Variants in RAD51B observed in about 807,000 individuals in gnomAD.
RAD51B encodes the protein RAD51 paralog B.
A neutral mutation model predicts 42.2 loss-of-function variants in RAD51B; 38 were observed. The observed-to-expected ratio is 0.90, with a 90% CI of 0.70 to 1.18. The LOEUF (loss-of-function observed/expected upper bound fraction) is 1.18, where lower values mean the gene tolerates loss of function less well. RAD51B is among the 50% of genes most tolerant of loss of function. The pLI, the probability that RAD51B is intolerant of heterozygous loss-of-function variation, is 0.00. For synonymous variants in RAD51B, 154 were observed against 145.2 expected (o/e 1.06, Z -0.43); for missense variants, 373 against 400.7 (o/e 0.93, Z 0.59).
intron 9 of RAD51B, among the ~76,000 whole-genome samples, chr14:68,444,442 G>T (rs111477606): frequency 1.7e-3 from 21 of 12,714 alleles, no homozygotes; most frequent in South Asian, 9.0e-3. Context: ...ATTGTGAATT[G>T]TGTGTGTGTG....
intron 7 of RAD51B, among the ~76,000 whole-genome samples, chr14:68,141,012 C>CT (rs2078116892): frequency 6.6e-6 from 1 of 152,132 alleles, no homozygotes; most frequent in Admixed American, 6.5e-5. Flanking sequence ...TAAAGGGGCT[C>CT]TATTAATAAT....
intron 8 of RAD51B, among the ~76,000 whole-genome samples, chr14:68,385,284 C>A (rs1411630529): frequency 6.6e-6 from 1 of 152,188 alleles, no homozygotes; most frequent in Non-Finnish European, 1.5e-5. Context: ...CCCCTGGCAA[C>A]AGAAATTGAA....
At chr14:68,292,433 G>A (rs1042795796) in intron 8 of RAD51B, among the ~76,000 whole-genome samples, 3 of 152,150 alleles carry the variant, frequency 2.0e-5, no homozygotes, top group African/African-American at 4.8e-5. Context: ...AAATCTCCAC[G>A]CTGGTAAATC....
chr14:68,468,363 C>G (rs956018169), intron 10 of RAD51B, 113 bp downstream of exon 10: 1 of 1,137,086 alleles, frequency 8.8e-7, no homozygotes, highest in African/African-American at 1.5e-5. Context: ...GAATCAAAAA[C>G]CAAGATGCAT....
At chr14:68,320,160 G>A (rs1314568531) in intron 8 of RAD51B, among the ~76,000 whole-genome samples, 6 of 152,058 alleles carry the variant, frequency 3.9e-5, no homozygotes, top group African/African-American at 1.5e-4. Flanking sequence ...TTCTCTCCTT[G>A]TTCTTTACTG....
In RAD51B at chr14:68,121,496, A is replaced by G. The variant is rs373731194; in HGVS notation, c.757-170388A>G. Among the ~76,000 whole-genome samples the G allele has an allele frequency of 5.9e-5, 9 of 152,300 alleles. 1 individual carries two copies. The highest frequency in any genetic ancestry group is 2.2e-4 in the African/African-American group (9 of 41,562). On this transcript the variant is annotated intron_variant, in intron 7 of 10. Transcript: ENST00000471583. ...AGGATCCACAATCCTTAGCTTGGTA[A>G]GTGCCCTCTTGCTAACCTAAAAACG...
chr14:68,647,137 T>A (rs1400147467), intron 10 of RAD51B, among the ~76,000 whole-genome samples: 1 of 152,248 alleles, frequency 6.6e-6, no homozygotes, highest in Non-Finnish European at 1.5e-5. Flanking sequence ...CATCCTCAGA[T>A]CACTGGAGGA....
intron 7 of RAD51B, among the ~76,000 whole-genome samples, chr14:67,957,051 C>A (rs2074563758): frequency 6.6e-6 from 1 of 152,214 alleles, no homozygotes; most frequent in African/African-American, 2.4e-5. Flanking sequence ...TTCCTCCTTA[C>A]ACAAACCTTT....
chr14:67,884,735 C>A (rs575021503), intron 5 of RAD51B, among the ~76,000 whole-genome samples: 1 of 152,216 alleles, frequency 6.6e-6, no homozygotes, highest in South Asian at 2.1e-4. Flanking sequence ...TGGTACTATT[C>A]CTTATTCATG....
intron 10 of RAD51B, among the ~76,000 whole-genome samples, chr14:68,648,133 G>GTATATATATATATACACACACGTA (rs1566963627): frequency 1.1e-5 from 1 of 90,534 alleles, no homozygotes; most frequent in Admixed American, 1.1e-4. Context: ...ATACACACAC[G>GTATATATATATATACACACACGTA]TATATATATA....
At chr14:67,995,568 C>G (rs2075367095) in intron 7 of RAD51B, among the ~76,000 whole-genome samples, 1 of 151,992 alleles carries the variant, frequency 6.6e-6, no homozygotes, top group Non-Finnish European at 1.5e-5. Flanking sequence ...TTTTTTCCCC[C>G]CTCTGAATAC....
At chr14:68,450,023 T>C (rs2085516539) in intron 9 of RAD51B, among the ~76,000 whole-genome samples, 2 of 152,058 alleles carry the variant, frequency 1.3e-5, no homozygotes, top group African/African-American at 4.8e-5. Flanking sequence ...CGGAAAGTTA[T>C]TTAAGATGGG....
rs767211363 is a variant in RAD51B at position 68,004,332 on chromosome 14, C to CAA, written c.756+117150_756+117151dup. Among the ~76,000 whole-genome samples, 181 of 57,046 alleles carry CAA rather than the reference C, an allele frequency of 3.2e-3. 2 individuals carry two copies. The highest frequency in any genetic ancestry group is 7.7e-3 in the African/African-American group (157 of 20,498). The allele number at this position is 57,046 out of a possible 152,430, so 37.4% of individuals were successfully genotyped here. ...TGGGCAACACAGCAAGACTCCGTCT[C>CAA]AAAAAAAAAAAAAAAAAAAAAAAGA... On this transcript the variant is annotated intron_variant, in intron 7 of 10. Coordinates refer to ENST00000471583, the MANE Select transcript of RAD51B (RefSeq NM_133510.4).
chr14:67,957,377 A>G (rs1053030703), intron 7 of RAD51B, among the ~76,000 whole-genome samples: 2 of 152,226 alleles, frequency 1.3e-5, no homozygotes, highest in Non-Finnish European at 2.9e-5. Context: ...GGATACATCT[A>G]AACTATTTAA....
intron 7 of RAD51B, among the ~76,000 whole-genome samples, chr14:68,147,391 C>G (rs1027288058): frequency 1.3e-5 from 2 of 152,154 alleles, no homozygotes; most frequent in Non-Finnish European, 2.9e-5. Context: ...AAGGACCTGT[C>G]TATGGGAACT....
chr14:68,418,171 C>G (rs963343306), intron 9 of RAD51B, among the ~76,000 whole-genome samples: 1 of 152,058 alleles, frequency 6.6e-6, no homozygotes, highest in Non-Finnish European at 1.5e-5. Context: ...CAAAATTAAC[C>G]GTTACCACCA....
downstream of RAD51B, among the ~76,000 whole-genome samples, chr14:68,598,263 T>C (rs569206988): frequency 3.5e-4 from 52 of 147,034 alleles, no homozygotes; most frequent in Non-Finnish European, 7.4e-4. Flanking sequence ...TTCATTCATG[T>C]GTCCTTTTAA....
chr14:68,335,070 G>C lies in RAD51B; in HGVS notation c.853+43090G>C, dbSNP rs540516552. ...TCAGCACTTTGTGGGGCCGAGGCAG[G>C]CAGATCACTTGAGATCAGGAGTTTG... On this transcript the variant is annotated intron_variant, in intron 8 of 10. Coordinates refer to ENST00000471583, the MANE Select transcript of RAD51B (RefSeq NM_133510.4). 5.3e-5 allele frequency among the ~76,000 whole-genome samples: 8 copies of C among 150,354 alleles called. No individual in the cohort carries two copies. The East Asian group carries it at 1.6e-3, about 29-fold the overall frequency.
chr14:68,194,998 CATA>C (rs1319468199), intron 7 of RAD51B, among the ~76,000 whole-genome samples: 1 of 152,042 alleles, frequency 6.6e-6, no homozygotes, highest in African/African-American at 2.4e-5. Context: ...TCATTCAGCA[CATA>C]ATAACGAAGT....
Sources: gnomAD v4.1 joint callset for allele counts (sites outside exome capture counted in the v4.1 genomes callset) on GRCh38, gnomAD v4.1.1 for gene constraint, MANE v1.5 for transcripts, NCBI Gene and HGNC (gene_info 2026-07-23, HGNC 2026-07-21) for gene names.